Variants in EMSY observed in about 807,000 individuals in gnomAD.
EMSY encodes the protein EMSY transcriptional repressor, BRCA2 interacting, also known as BRCA2-interacting transcriptional repressor EMSY.
EMSY carries 26 observed loss-of-function variants against 134.6 expected under a neutral mutation model. That is an observed-to-expected ratio of 0.19 (90% CI 0.14 to 0.27). The LOEUF (loss-of-function observed/expected upper bound fraction) is 0.27. EMSY is among the 10% of genes least tolerant of loss of function. The probability of loss-of-function intolerance (pLI) is 1.00; values close to 1 mark genes in which losing one functional copy is unlikely to be tolerated. For missense variants in EMSY, 1,305 were observed against 1,611.4 expected, an observed-to-expected ratio of 0.81 and a Z score of 3.26; for synonymous variants, 579 against 577.8, an observed-to-expected ratio of 1.00 and a Z score of -0.03.
intron 3 of EMSY, among the ~76,000 whole-genome samples, chr11:76,452,247 G>C (rs1027090830): frequency 3.3e-5 from 5 of 152,158 alleles, no homozygotes; most frequent in African/African-American, 1.2e-4. Flanking sequence ...GATAAGGGAG[G>C]TGCTTTTGAC....
At chr11:76,502,382 T>A (rs1326724800) in intron 9 of EMSY, among the ~76,000 whole-genome samples, 37 of 133,088 alleles carry the variant, frequency 2.8e-4, no homozygotes, top group South Asian at 2.1e-3. Context: ...TATTTTTTTT[T>A]AAAAAAAGCA....
chr11:76,525,461 T>A lies in EMSY; in HGVS notation c.1822-1001T>A, dbSNP rs528634150. ...AAGTTTAGATAGGCACACGTTTAGATGATGCTGGCTAAAAATTAAGAAAAA... is the reference window on the plus strand; with the variant it reads ...AAGTTTAGATAGGCACACGTTTAGAAGATGCTGGCTAAAAATTAAGAAAAA... On this transcript the variant is annotated intron_variant, in intron 12 of 20. Coordinates refer to ENST00000334736, the Ensembl canonical transcript of EMSY. Among the ~76,000 whole-genome samples, 241 of 152,340 alleles carry A rather than the reference T, an allele frequency of 1.6e-3. 1 individual carries two copies. The highest frequency in any genetic ancestry group is 2.5e-3 in the Non-Finnish European group (172 of 68,024).
intron 9 of EMSY, among the ~76,000 whole-genome samples, chr11:76,502,766 C>A (rs1028500304): frequency 6.6e-6 from 1 of 151,978 alleles, no homozygotes; most frequent in African/African-American, 2.4e-5. Context: ...CTGAAAACTA[C>A]AAAACATTGA....
chr11:76,447,509 A>T (rs1356964082), intron 2 of EMSY, among the ~76,000 whole-genome samples: 1 of 152,212 alleles, frequency 6.6e-6, no homozygotes, highest in Non-Finnish European at 1.5e-5. Context: ...TTCTAAGTTG[A>T]TGTAAGCCAT....
At chr11:76,520,198 C>CTTT (rs770721981) in intron 11 of EMSY, among the ~76,000 whole-genome samples, 1 of 152,040 alleles carries the variant, frequency 6.6e-6, no homozygotes. Flanking sequence ...GTTAGACTTG[C>CTTT]TTTTCCTTAT....
chr11:76,454,070 A>AG (rs1947778086), intron 4 of EMSY: 1 of 152,210 alleles, frequency 6.6e-6, no homozygotes, highest in African/African-American at 2.4e-5. Context: ...GTAGCCTTTA[A>AG]ATGTTTGTAC....
intron 9 of EMSY, among the ~76,000 whole-genome samples, chr11:76,512,957 G>A (rs1293838606): frequency 6.6e-6 from 1 of 152,122 alleles, no homozygotes; most frequent in Non-Finnish European, 1.5e-5. Context: ...TTTTATGTAA[G>A]TTTAAGGAGT....
intron 2 of EMSY, among the ~76,000 whole-genome samples, chr11:76,448,885 C>T (rs1271761551): frequency 6.6e-6 from 1 of 152,082 alleles, no homozygotes; most frequent in Admixed American, 6.5e-5. Context: ...TTAGATTTTA[C>T]ATACATATAA....
intron 8 of EMSY, among the ~76,000 whole-genome samples, chr11:76,486,010 A>G (rs1484950993): frequency 6.6e-6 from 1 of 152,252 alleles, no homozygotes; most frequent in African/African-American, 2.4e-5. Context: ...CCAAATGCCC[A>G]TCAGTGGTAG....
At chr11:76,523,317 T>C (rs758335725) in intron 12 of EMSY, 26 bp downstream of exon 13, 1 of 1,598,768 alleles carries the variant, frequency 6.3e-7, no homozygotes, top group Non-Finnish European at 8.5e-7. Flanking sequence ...AACTGCAGAC[T>C]TAGCAATTCA....
intron 2 of EMSY, among the ~76,000 whole-genome samples, chr11:76,447,355 C>G (rs1947461539): frequency 6.6e-6 from 1 of 152,160 alleles, no homozygotes; most frequent in South Asian, 2.1e-4. Flanking sequence ...TGTCTCGTCT[C>G]CATTTTACAG....
At chr11:76,549,453 T>G (rs572047726) in intron 20 of EMSY, among the ~76,000 whole-genome samples, 2 of 152,334 alleles carry the variant, frequency 1.3e-5, no homozygotes, top group South Asian at 4.1e-4. Context: ...GCAAGTGTTC[T>G]TCTACTGGTA....
chr11:76,462,402 A>G (rs79878702), intron 6 of EMSY, among the ~76,000 whole-genome samples: 1,874 of 152,324 alleles, frequency 0.012, 23 homozygotes, highest in Non-Finnish European at 0.018. Flanking sequence ...TTATTTACCT[A>G]ACTTTGTATG....
chr11:76,448,938 C>CA (rs949351712), intron 2 of EMSY, among the ~76,000 whole-genome samples: 4 of 151,978 alleles, frequency 2.6e-5, no homozygotes, highest in Admixed American at 6.6e-5. Flanking sequence ...CTGAATGTGT[C>CA]AGTGCTAGAT....
chr11:76,494,716 TTCCTTCCTTCC>T (rs1949576277), intron 8 of EMSY, among the ~76,000 whole-genome samples: 3 of 81,326 alleles, frequency 3.7e-5, no homozygotes, highest in Non-Finnish European at 5.3e-5. Context: ...CCTTCCTTCC[TTCCTTCCTTCC>T]TTCCTTCCTT....
intron 17 of EMSY, among the ~76,000 whole-genome samples, chr11:76,540,632 C>T (rs569367749): frequency 6.6e-6 from 1 of 152,286 alleles, no homozygotes; most frequent in South Asian, 2.1e-4. Context: ...TTATATTTCA[C>T]TGGATAGTTT....
intron 2 of EMSY, among the ~76,000 whole-genome samples, chr11:76,451,249 C>T (rs562415211): frequency 1.9e-3 from 295 of 152,144 alleles, no homozygotes; most frequent in African/African-American, 6.9e-3. Flanking sequence ...TTTATAGATG[C>T]GGAGGATCTT....
intron 20 of EMSY, among the ~76,000 whole-genome samples, chr11:76,547,578 G>A (rs1951699767): frequency 6.6e-6 from 1 of 152,176 alleles, no homozygotes; most frequent in Non-Finnish European, 1.5e-5. Flanking sequence ...AGTAAAATGG[G>A]AATCAGTAAT....
intron 9 of EMSY, among the ~76,000 whole-genome samples, chr11:76,498,272 G>T (rs1299904626): frequency 6.6e-6 from 1 of 152,038 alleles, no homozygotes; most frequent in African/African-American, 2.4e-5. Flanking sequence ...GGTCCATGGT[G>T]CTCGTAAAAT....
Sources: gnomAD v4.1 joint callset for allele counts (sites outside exome capture counted in the v4.1 genomes callset) on GRCh38, gnomAD v4.1.1 for gene constraint, MANE v1.5 for transcripts, NCBI Gene and HGNC (gene_info 2026-07-23, HGNC 2026-07-21) for gene names.